The following CNTNAP4 variants were observed in gnomAD, a reference collection of about 807,000 sequenced individuals.
CNTNAP4 encodes contactin associated protein family member 4.
CNTNAP4 carries 98 observed loss-of-function variants against 148.4 expected under a neutral mutation model. The observed-to-expected ratio is 0.66, with a 90% confidence interval of 0.56 to 0.78. CNTNAP4 has a LOEUF of 0.78. Among genes scored for constraint, CNTNAP4 ranks in the 30% least tolerant of loss-of-function variants. The probability of loss-of-function intolerance (pLI) is 0.00; values close to 1 mark genes in which losing one functional copy is unlikely to be tolerated. For synonymous variants in CNTNAP4, 730 were observed against 565.1 expected, an observed-to-expected ratio of 1.29 and a Z score of -4.14; for missense variants, 1,935 against 1,565.6, an observed-to-expected ratio of 1.24 and a Z score of -3.98.
At chr16:76,347,696 C>A (rs1186639016) in intron 2 of CNTNAP4, among the ~76,000 whole-genome samples, 1 of 152,104 alleles carries the variant, frequency 6.6e-6, no homozygotes, top group East Asian at 1.9e-4. Flanking sequence ...GAAGAGCATT[C>A]CTGGCAGAAA....
chr16:76,473,666 C>A (rs556069688), intron 10 of CNTNAP4, among the ~76,000 whole-genome samples: 1 of 151,864 alleles, frequency 6.6e-6, no homozygotes, highest in South Asian at 2.1e-4. Context: ...TCCAGCTACT[C>A]GGGAGGCTGA....
At chr16:76,450,958 G>A (rs1414221402) in intron 7 of CNTNAP4, among the ~76,000 whole-genome samples, 12 of 152,212 alleles carry the variant, frequency 7.9e-5, no homozygotes, top group Non-Finnish European at 1.5e-4. Context: ...GATGTGTGGA[G>A]GCATGTTGGA....
At chr16:76,449,096 T>A in intron 6 of CNTNAP4, 145 bp downstream of exon 6, 1 of 709,650 alleles carries the variant, frequency 1.4e-6, no homozygotes, top group Non-Finnish European at 2.3e-6. Context: ...TAACTCACAG[T>A]GGCAGCTTTC....
intron 2 of CNTNAP4, among the ~76,000 whole-genome samples, chr16:76,331,184 GT>G (rs1225006626): frequency 6.7e-6 from 1 of 149,782 alleles, no homozygotes; most frequent in South Asian, 2.1e-4. Flanking sequence ...GTTGTTTTCT[GT>G]TTTTTCTTTT....
chr16:76,294,787 T>C (rs1345633732), intron 1 of CNTNAP4, among the ~76,000 whole-genome samples: 1 of 152,214 alleles, frequency 6.6e-6, no homozygotes, highest in Non-Finnish European at 1.5e-5. Context: ...CACATTGTGG[T>C]ACCTGTCATT....
chr16:76,289,244 G>A (rs563889002), intron 1 of CNTNAP4, among the ~76,000 whole-genome samples: 6 of 152,052 alleles, frequency 3.9e-5, no homozygotes, highest in South Asian at 2.1e-4. Flanking sequence ...GCACGTGCCC[G>A]ATCATCTCTA....
At chr16:76,416,447 G>C (rs887089968) in intron 3 of CNTNAP4, among the ~76,000 whole-genome samples, 1 of 151,006 alleles carries the variant, frequency 6.6e-6, no homozygotes, top group African/African-American at 2.4e-5. Flanking sequence ...TGCGTATTTT[G>C]ATGTTATATT....
At chr16:76,481,478 G>A (rs1413735522) in intron 12 of CNTNAP4, among the ~76,000 whole-genome samples, 2 of 152,140 alleles carry the variant, frequency 1.3e-5, no homozygotes, top group Non-Finnish European at 2.9e-5. Flanking sequence ...CCAGGAGTTC[G>A]AGACCAGGCT....
intron 3 of CNTNAP4, among the ~76,000 whole-genome samples, chr16:76,411,658 A>T (rs2078798535): frequency 6.6e-6 from 1 of 151,490 alleles, no homozygotes; most frequent in Admixed American, 6.6e-5. Context: ...ATAGAATTTT[A>T]ATGAGGTATT....
intron 2 of CNTNAP4, among the ~76,000 whole-genome samples, chr16:76,326,689 A>G (rs1185429773): frequency 1.3e-5 from 2 of 152,016 alleles, no homozygotes; most frequent in Non-Finnish European, 2.9e-5. Flanking sequence ...TCAGCAAACT[A>G]TCACAAGGAC....
chr16:76,393,979 T>C (rs748071238), intron 3 of CNTNAP4, among the ~76,000 whole-genome samples: 1 of 152,214 alleles, frequency 6.6e-6, no homozygotes, highest in Non-Finnish European at 1.5e-5. Flanking sequence ...GTGTCTAATA[T>C]TTTCCCTGCT....
At chr16:76,547,169 A>G (rs1167774424) in intron 21 of CNTNAP4, among the ~76,000 whole-genome samples, 1 of 152,230 alleles carries the variant, frequency 6.6e-6, no homozygotes, top group East Asian at 1.9e-4. Flanking sequence ...AATTATAGAA[A>G]AAGAAATCTC....
In CNTNAP4 at chr16:76,454,315, A is replaced by T. The variant is rs537941586; in HGVS notation, c.1333+1546A>T. ...TTTTTAGTTGAGACAGGGTTTCTCC[A>T]TGTTGATCAGGCTGAAGCCAGTCCA... On this transcript the variant is annotated intron_variant, in intron 8 of 23. Transcript: ENST00000611870. 5.9e-5 allele frequency among the ~76,000 whole-genome samples: 9 copies of T among 152,248 alleles called. 1 individual carries two copies. The highest frequency in any genetic ancestry group is 2.2e-4 in the African/African-American group (9 of 41,556).
At chr16:76,547,332 C>T (rs1449370930) in intron 21 of CNTNAP4, among the ~76,000 whole-genome samples, 1 of 152,080 alleles carries the variant, frequency 6.6e-6, no homozygotes, top group African/African-American at 2.4e-5. Context: ...TATAAAACCT[C>T]TCATGGGAAA....
intron 3 of CNTNAP4, among the ~76,000 whole-genome samples, chr16:76,414,143 A>G (rs1322053773): frequency 6.6e-6 from 1 of 151,350 alleles, no homozygotes; most frequent in Admixed American, 6.6e-5. Context: ...AACACAAAGC[A>G]GCTCTCAGCA....
intron 1 of CNTNAP4, among the ~76,000 whole-genome samples, chr16:76,298,168 T>C (rs1959510120): frequency 6.6e-6 from 1 of 152,154 alleles, no homozygotes; most frequent in African/African-American, 2.4e-5. Context: ...TAGGGTCTTA[T>C]ACAGGGTGCC....
chr16:76,504,123 A>C (rs958958567), intron 15 of CNTNAP4, among the ~76,000 whole-genome samples: 2 of 152,104 alleles, frequency 1.3e-5, no homozygotes, highest in African/African-American at 4.8e-5. Context: ...TTGAAATGCA[A>C]AGAAAGTAGA....
chr16:76,299,956 G>A (rs1366358216), intron 1 of CNTNAP4, among the ~76,000 whole-genome samples: 1 of 152,020 alleles, frequency 6.6e-6, no homozygotes, highest in Non-Finnish European at 1.5e-5. Context: ...GAGAACACAT[G>A]GACACAGGAA....
intron 1 of CNTNAP4, among the ~76,000 whole-genome samples, chr16:76,312,937 A>C (rs967482537): frequency 6.6e-6 from 1 of 152,184 alleles, no homozygotes; most frequent in African/African-American, 2.4e-5. Flanking sequence ...GAATAACTAC[A>C]ATATATCATT....
Sources: allele counts gnomAD v4.1 joint callset (sites outside exome capture counted in the v4.1 genomes callset), GRCh38; gene constraint gnomAD v4.1.1; transcripts MANE v1.5; gene names NCBI Gene and HGNC (gene_info 2026-07-23, HGNC 2026-07-21).